CNTN4: variants seen among roughly 807,000 people sequenced by gnomAD.
CNTN4 encodes contactin 4, also known as contactin-4.
In CNTN4, 77 loss-of-function variants were observed where a neutral mutation model predicts 122.5. The observed-to-expected ratio is 0.63, with a 90% CI of 0.52 to 0.76. CNTN4 has a LOEUF of 0.76. CNTN4 is among the 30% of genes least tolerant of loss of function. The pLI is 0.00. For synonymous variants in CNTN4, 512 were observed against 447.0 expected (o/e 1.15, Z -1.83); for missense variants, 1,256 against 1,259.1 (o/e 1.00, Z 0.04).
chr3:2,914,915 G>A lies in CNTN4; in HGVS notation c.1208-10714G>A, dbSNP rs189492088. 6.5e-3 allele frequency among the ~76,000 whole-genome samples: 985 copies of A among 152,214 alleles called. 6 individuals are homozygous for A. Among genetic ancestry groups the A allele is most frequent in the Middle Eastern group, 0.017 (5 of 294 alleles). On this transcript the variant is annotated intron_variant, in intron 12 of 24. Coordinates refer to ENST00000418658, the MANE Select transcript of CNTN4 (RefSeq NM_175607.3). ...TACTCAACTCAGCAGTACATTAAAAGGATTATACACAATGTCAAATTGGAA... is the reference window on the plus strand; with the variant it reads ...TACTCAACTCAGCAGTACATTAAAAAGATTATACACAATGTCAAATTGGAA...
chr3:2,145,210 T>C (rs983615699), intron 2 of CNTN4, among the ~76,000 whole-genome samples: 7 of 152,226 alleles, frequency 4.6e-5, no homozygotes, highest in Non-Finnish European at 1.0e-4. Context: ...CTCTTGTCAC[T>C]TCATCAAATT....
chr3:2,110,177 G>A (rs767824293), intron 2 of CNTN4, among the ~76,000 whole-genome samples: 19 of 152,176 alleles, frequency 1.2e-4, no homozygotes, highest in Admixed American at 6.5e-4. Flanking sequence ...AGACAGACCT[G>A]GTTTGAATCC....
intron 8 of CNTN4, chr3:2,882,629 C>T: frequency 6.2e-6 from 1 of 160,392 alleles, no homozygotes; most frequent in Non-Finnish European, 1.4e-5. Flanking sequence ...TTTGATGTTA[C>T]CTTGAATATA....
chr3:2,356,862 CCTT>C (rs2044895753), intron 3 of CNTN4, among the ~76,000 whole-genome samples: 1 of 152,110 alleles, frequency 6.6e-6, no homozygotes, highest in African/African-American at 2.4e-5. Flanking sequence ...TTGGCTTTGG[CCTT>C]CTTTGGAATA....
At chr3:2,923,238 G>A (rs755726736) in intron 12 of CNTN4, among the ~76,000 whole-genome samples, 1 of 151,992 alleles carries the variant, frequency 6.6e-6, no homozygotes, top group Admixed American at 6.5e-5. Flanking sequence ...ACAGTTTTAA[G>A]AAGGGATTTT....
At chr3:2,629,919 G>C (rs2082357558) in intron 4 of CNTN4, among the ~76,000 whole-genome samples, 1 of 152,084 alleles carries the variant, frequency 6.6e-6, no homozygotes, top group African/African-American at 2.4e-5. Flanking sequence ...TTTTCTCTAT[G>C]TTTCTCGTTA....
At chr3:2,931,240 T>G (rs1354892636) in intron 13 of CNTN4, among the ~76,000 whole-genome samples, 1 of 152,050 alleles carries the variant, frequency 6.6e-6, no homozygotes, top group Non-Finnish European at 1.5e-5. Flanking sequence ...ATACGGACTA[T>G]TAAAGGGTAG....
intron 6 of CNTN4, among the ~76,000 whole-genome samples, chr3:2,804,611 G>A (rs2092421075): frequency 1.3e-5 from 2 of 152,300 alleles, no homozygotes; most frequent in South Asian, 4.1e-4. Context: ...GGCTGAATTA[G>A]CTAACATACA....
intron 6 of CNTN4, among the ~76,000 whole-genome samples, chr3:2,791,382 A>C (rs148336150): frequency 6.6e-6 from 1 of 152,106 alleles, no homozygotes; most frequent in African/African-American, 2.4e-5. Flanking sequence ...AAATACAAAA[A>C]ATTAGCTGAG....
chr3:2,192,283 T>C (rs559326881), intron 2 of CNTN4, among the ~76,000 whole-genome samples: 20 of 152,170 alleles, frequency 1.3e-4, no homozygotes, highest in African/African-American at 4.8e-4. Flanking sequence ...TTTCTAGTTC[T>C]CGATCCTTGA....
chr3:2,395,455 C>A (rs2046606967), intron 3 of CNTN4, among the ~76,000 whole-genome samples: 1 of 152,082 alleles, frequency 6.6e-6, no homozygotes, highest in African/African-American at 2.4e-5. Flanking sequence ...TTTTAAATTT[C>A]AACTTTTAGG....
intron 2 of CNTN4, among the ~76,000 whole-genome samples, chr3:2,122,650 T>C (rs2033877149): frequency 6.6e-6 from 1 of 152,234 alleles, no homozygotes; most frequent in Admixed American, 6.5e-5. Context: ...AAATACTGTA[T>C]TGTACATTTA....
chr3:2,775,475 A>G (rs1452654574), intron 6 of CNTN4, among the ~76,000 whole-genome samples: 1 of 152,160 alleles, frequency 6.6e-6, no homozygotes, highest in African/African-American at 2.4e-5. Context: ...TCTGGAGTGC[A>G]GTGGCACGAT....
chr3:2,750,003 A>C (rs2090013575), intron 6 of CNTN4, among the ~76,000 whole-genome samples: 1 of 152,202 alleles, frequency 6.6e-6, no homozygotes, highest in African/African-American at 2.4e-5. Flanking sequence ...GCACTATACC[A>C]TGCAAGTGAG....
At chr3:2,776,307 G>A (rs1156330034) in intron 6 of CNTN4, among the ~76,000 whole-genome samples, 2 of 142,280 alleles carry the variant, frequency 1.4e-5, no homozygotes, top group Admixed American at 1.4e-4. Flanking sequence ...AAGAATATAA[G>A]TGTTTCTTTT....
intron 6 of CNTN4, among the ~76,000 whole-genome samples, chr3:2,803,772 G>T (rs2092401007): frequency 1.3e-5 from 2 of 151,986 alleles, no homozygotes; most frequent in African/African-American, 4.8e-5. Context: ...TGTTGGCCAG[G>T]TTGGTCTCGA....
At chr3:2,485,139 TC>T (rs1239632812) in intron 3 of CNTN4, among the ~76,000 whole-genome samples, 1 of 152,164 alleles carries the variant, frequency 6.6e-6, no homozygotes, top group Non-Finnish European at 1.5e-5. Flanking sequence ...CTCAGCTGCC[TC>T]CCCGTGGGGC....
chr3:2,122,702 TATC>T (rs1453055879), intron 2 of CNTN4, among the ~76,000 whole-genome samples: 4 of 152,228 alleles, frequency 2.6e-5, no homozygotes, highest in Non-Finnish European at 5.9e-5. Context: ...GCAAAGAAAT[TATC>T]ATAATTTACA....
chr3:2,330,208 A>G (rs897978194), intron 2 of CNTN4, among the ~76,000 whole-genome samples: 7 of 152,254 alleles, frequency 4.6e-5, no homozygotes, highest in East Asian at 1.9e-4. Flanking sequence ...TAAAGAATAC[A>G]GATGAACAGC....
Sources: allele counts gnomAD v4.1 joint callset (sites outside exome capture counted in the v4.1 genomes callset), GRCh38; gene constraint gnomAD v4.1.1; transcripts MANE v1.5; gene names NCBI Gene and HGNC (gene_info 2026-07-23, HGNC 2026-07-21).